Variants in KIF14 observed in about 807,000 individuals in gnomAD.
KIF14 encodes kinesin-like protein KIF14.
Under a neutral mutation model 176.2 loss-of-function variants are expected in KIF14, and 98 were observed. That is an observed-to-expected ratio of 0.56 (90% CI 0.47 to 0.66). The LOEUF (loss-of-function observed/expected upper bound fraction) is 0.66. KIF14 is among the 30% of genes least tolerant of loss of function. The probability of loss-of-function intolerance (pLI) is 0.00; values close to 1 mark genes in which losing one functional copy is unlikely to be tolerated. For missense variants in KIF14, 1,751 were observed against 1,920.4 expected (o/e 0.91, Z 1.65); for synonymous variants, 566 against 632.2 (o/e 0.90, Z 1.57).
chr1:200,605,392 T>C lies in KIF14; in HGVS notation c.1639-2A>G. 6.2e-7 allele frequency: 1 copy of C among 1,604,250 alleles called. No individual in the cohort carries two copies. The highest frequency in any genetic ancestry group is 8.5e-7 in the Non-Finnish European group (1 of 1,173,086). On this transcript the variant is annotated splice_acceptor_variant, in intron 7 of 29. Transcript: ENST00000367350. LOFTEE classifies it high-confidence loss of function. Reference sequence around the variant, plus strand: ...TTTATTTCCCAATTCTAGCCAACTCTTATAAGAAAAAAGGAAGGAAGATCA... The same window carrying C: ...TTTATTTCCCAATTCTAGCCAACTCCTATAAGAAAAAAGGAAGGAAGATCA...
At chr1:200,572,523 T>G (rs775286817) in intron 22 of KIF14, among the ~76,000 whole-genome samples, 6 of 152,126 alleles carry the variant, frequency 3.9e-5, no homozygotes, top group Non-Finnish European at 8.8e-5. Context: ...TTTTGTATTT[T>G]TAGTAGAGAC....
At chr1:200,554,401 A>AG in intron 29 of KIF14, 67 bp downstream of exon 29, 1 of 1,108,180 alleles carries the variant, frequency 9.0e-7, no homozygotes, top group South Asian at 1.5e-5. Flanking sequence ...AAAAAAAAAA[A>AG]GGAAAGATGT....
intron 23 of KIF14, among the ~76,000 whole-genome samples, chr1:200,566,074 C>A (rs1212140329): frequency 6.6e-6 from 1 of 152,112 alleles, no homozygotes; most frequent in Non-Finnish European, 1.5e-5. Context: ...GTAGGCTATA[C>A]TTATTTCAAT....
chr1:200,561,639 T>C (rs1657165366), intron 25 of KIF14, among the ~76,000 whole-genome samples: 3 of 151,948 alleles, frequency 2.0e-5, no homozygotes, highest in Non-Finnish European at 4.4e-5. Context: ...TGATCTCACT[T>C]CATAAATGTC....
chr1:200,558,925 G>A (rs969873241), intron 27 of KIF14, among the ~76,000 whole-genome samples: 3 of 152,128 alleles, frequency 2.0e-5, no homozygotes, highest in Non-Finnish European at 2.9e-5. Flanking sequence ...TTATGTGAAT[G>A]CCCCAGAAAA....
intron 23 of KIF14, among the ~76,000 whole-genome samples, chr1:200,565,882 C>A (rs1657420568): frequency 6.6e-6 from 1 of 152,162 alleles, no homozygotes; most frequent in Non-Finnish European, 1.5e-5. Context: ...ATCTTCCATG[C>A]TATACTTGTG....
At chr1:200,596,561 C>CTT (rs60386347) in intron 14 of KIF14, among the ~76,000 whole-genome samples, 13,408 of 102,586 alleles carry the variant, frequency 0.13, 1,434 homozygotes, top group East Asian at 0.37. Flanking sequence ...GTACAACAGT[C>CTT]TTTTTTTTTT....
At chr1:200,578,775 T>C (rs1658273117) in intron 21 of KIF14, among the ~76,000 whole-genome samples, 1 of 152,238 alleles carries the variant, frequency 6.6e-6, no homozygotes, top group African/African-American at 2.4e-5. Flanking sequence ...TTTATAGCTA[T>C]ATTAATTTCC....
At chr1:200,562,927 A>T (rs563976092) in intron 25 of KIF14, among the ~76,000 whole-genome samples, 13 of 152,336 alleles carry the variant, frequency 8.5e-5, no homozygotes, top group African/African-American at 3.1e-4. Flanking sequence ...AAAGACACCC[A>T]CTGTCCTCTA....
intron 19 of KIF14, 85 bp downstream of exon 19, chr1:200,586,016 C>A (rs1658718701): frequency 3.2e-6 from 3 of 951,024 alleles, no homozygotes; most frequent in Admixed American, 3.0e-5. Flanking sequence ...TATGTAAAGG[C>A]AACTAATGCT....
chr1:200,591,686 G>A (rs1659059405), intron 16 of KIF14, among the ~76,000 whole-genome samples: 1 of 152,124 alleles, frequency 6.6e-6, no homozygotes. Context: ...TCTCCTCTAT[G>A]GGACGTCTTC....
rs6667081 is a variant in KIF14 at position 200,593,366 on chromosome 1, G to A, written c.2652+301C>T. Among the ~76,000 whole-genome samples the A allele has an allele frequency of 0.79, 120,832 of 152,146 alleles. 48,341 individuals carry two copies. The highest frequency in any genetic ancestry group is 0.89 in the African/African-American group (36,841 of 41,540). On this transcript the variant is annotated intron_variant, in intron 15 of 29. Transcript: ENST00000367350. ...AATCATCTAGTTAAATAACTTGCCA[G>A]ACGTCACAGAGCAAATGGCAAAGCC...
chr1:200,615,059 C>T (rs564555738), intron 3 of KIF14, among the ~76,000 whole-genome samples: 3 of 152,120 alleles, frequency 2.0e-5, no homozygotes, highest in Non-Finnish European at 4.4e-5. Context: ...TTTTAATTCT[C>T]ACCAAAATAC....
intron 25 of KIF14, among the ~76,000 whole-genome samples, chr1:200,561,751 T>C (rs1657171513): frequency 6.6e-6 from 1 of 151,980 alleles, no homozygotes; most frequent in African/African-American, 2.4e-5. Flanking sequence ...GAGACATAAG[T>C]AAGTACAAAA....
At chr1:200,596,487 T>A (rs750323928) in intron 14 of KIF14, among the ~76,000 whole-genome samples, 4 of 150,800 alleles carry the variant, frequency 2.7e-5, no homozygotes, top group Non-Finnish European at 4.4e-5. Context: ...TTCAATAACT[T>A]AAATGTGAAA....
intron 29 of KIF14, 64 bp from the exon 30 acceptor site, chr1:200,553,831 T>A (rs924973792): frequency 4.2e-6 from 6 of 1,433,750 alleles, no homozygotes; most frequent in Non-Finnish European, 5.7e-6. Context: ...TATTTATGAC[T>A]TTTATAGACT....
At chr1:200,611,857 A>G (rs1162084682) in intron 4 of KIF14, among the ~76,000 whole-genome samples, 1 of 152,220 alleles carries the variant, frequency 6.6e-6, no homozygotes, top group Non-Finnish European at 1.5e-5. Context: ...CAACAAACCT[A>G]TGAGAAAGAC....
chr1:200,588,604 T>G (rs1356142805), intron 18 of KIF14, among the ~76,000 whole-genome samples: 1 of 152,186 alleles, frequency 6.6e-6, no homozygotes, highest in Non-Finnish European at 1.5e-5. Flanking sequence ...GGACCACCCT[T>G]CAAGAACCGC....
intron 25 of KIF14, among the ~76,000 whole-genome samples, chr1:200,561,375 C>T (rs1425138161): frequency 6.6e-6 from 1 of 151,888 alleles, no homozygotes; most frequent in African/African-American, 2.4e-5. Context: ...CCCATCTCTA[C>T]TAAAAACACA....
Sources: gnomAD v4.1 joint callset for allele counts (sites outside exome capture counted in the v4.1 genomes callset) on GRCh38, gnomAD v4.1.1 for gene constraint, MANE v1.5 for transcripts, NCBI Gene and HGNC (gene_info 2026-07-23, HGNC 2026-07-21) for gene names.